RASIP1: variants seen among roughly 807,000 people sequenced by gnomAD.
The protein encoded by RASIP1 is ras-interacting protein 1.
A neutral mutation model predicts 85.3 loss-of-function variants in RASIP1; 20 were observed. The ratio of observed to expected loss-of-function variants is 0.23; its 90% CI spans 0.17 to 0.34. RASIP1 has a LOEUF of 0.34. Among genes scored for constraint, RASIP1 ranks in the 10% least tolerant of loss-of-function variants. RASIP1 has a pLI of 1.00. For missense variants in RASIP1, 1,170 were observed against 1,390.9 expected (o/e 0.84, Z 2.53); for synonymous variants, 617 against 647.1 (o/e 0.95, Z 0.71).
chr19:48,722,756 G>A (rs1174170161), intron 10 of RASIP1, among the ~76,000 whole-genome samples: 2 of 152,078 alleles, frequency 1.3e-5, no homozygotes, highest in African/African-American at 4.8e-5. Context: ...GCAGGTCACC[G>A]TCCCCTAGTC....
rs1344882468 is a variant in RASIP1, at chr19:48,734,774, A to G, written c.1179+422T>C. Among the ~76,000 whole-genome samples, 23 of 152,230 alleles carry G rather than the reference A, an allele frequency of 1.5e-4. No homozygotes were observed. The East Asian group carries it at 4.4e-3, about 29-fold the overall frequency. On this transcript the variant is annotated intron_variant, in intron 4 of 11. Transcript: ENST00000222145. ...AGTGCTGGGATAACAGGCGTGAGCC[A>G]CTGCGCCAGGCCTAATTTTTGGTAG...
At chr19:48,737,507 C>A (rs1599749165) in intron 3 of RASIP1, 2 of 985,318 alleles carry the variant, frequency 2.0e-6, no homozygotes, top group Non-Finnish European at 2.4e-6. Context: ...TCAGCCCCTT[C>A]CTTTCCCATG....
In RASIP1 at chr19:48,735,514, G is replaced by A; in HGVS notation, c.861C>T (p.Arg287=). ...GAPSWRPQKN[R]SRAASGGAAL... ...CTGCCCCACCCGACGCCGCCCGGGA[G>A]CGGTTCTTCTGTGGCCGCCACGAAG... is the stretch of plus-strand genomic sequence containing the variant. Residue 287 remains arginine, a synonymous_variant, in exon 4 of 12, where the codon CGC becomes CGT. Transcript: ENST00000222145. The A allele has an allele frequency of 6.5e-7, 1 of 1,548,620 alleles. No homozygotes were observed. The highest frequency in any genetic ancestry group is 8.7e-7 in the Non-Finnish European group (1 of 1,145,722).
chr19:48,735,943 G>A (rs1231281), intron 3 of RASIP1, among the ~76,000 whole-genome samples: 56,914 of 151,104 alleles, frequency 0.38, 11,851 homozygotes, highest in Middle Eastern at 0.58. Flanking sequence ...TTACAGGCGC[G>A]CACCACAACG....
At chr19:48,721,195 A>G (rs2033230795) in intron 11 of RASIP1, among the ~76,000 whole-genome samples, 198 bp from the exon 12 acceptor site, 1 of 152,158 alleles carries the variant, frequency 6.6e-6, no homozygotes, top group Admixed American at 6.6e-5. Flanking sequence ...ATGGAAGGCC[A>G]CCGTTGCCTG....
At chr19:48,721,091 A>G in intron 11 of RASIP1, 94 bp from the exon 12 acceptor site, 2 of 1,130,150 alleles carry the variant, frequency 1.8e-6, no homozygotes, top group Non-Finnish European at 2.4e-6. Context: ...CCAAAGGAAG[A>G]AAAAAACTAC....
rs1357285820 is a variant in RASIP1 at position 48,721,831 on chromosome 19, T to C, written c.2692+23A>G. On this transcript the variant is annotated intron_variant, in intron 11 of 11. Coordinates refer to ENST00000222145, the MANE Select transcript of RASIP1 (RefSeq NM_017805.3). ...AGAAGAAGAAAGCTGACAGCCCCAATGCTGTATCCCATTGCTCCTCACCTG... is the reference window on the plus strand; with the variant it reads ...AGAAGAAGAAAGCTGACAGCCCCAACGCTGTATCCCATTGCTCCTCACCTG... 6 of 1,587,514 alleles carry C rather than the reference T, an allele frequency of 3.8e-6. No homozygotes were observed. The African/African-American group carries it at 8.2e-5, about 22-fold the overall frequency.
Position 48,738,887 on chromosome 19 carries a change from G to T in RASIP1, c.823+73C>A. On this transcript the variant is annotated intron_variant, in intron 3 of 11. Coordinates refer to ENST00000222145, the MANE Select transcript of RASIP1 (RefSeq NM_017805.3). This position sits in a 1 kb window ranked among gnomAD's most constrained non-coding sequence, Gnocchi z 4.0. ...CCAGCCCGCGAGTCCCACAAGCCCC[G>T]CCCAGGCCCCGCCCCACGGACCCCG... is the stretch of plus-strand genomic sequence containing the variant. 3 of 308,446 alleles carry T rather than the reference G, an allele frequency of 9.7e-6. No individual in the cohort carries two copies. Among genetic ancestry groups the T allele is most frequent in the East Asian group, 1.9e-4 (1 of 5,252 alleles). 19.1% of individuals were successfully genotyped at this position (308,446 alleles called of 1,614,324 possible). A position where few individuals can be genotyped will look rare whatever the true frequency, so the allele number is the denominator to read the frequency against.
At chr19:48,727,564 T>G (rs892492496) in intron 5 of RASIP1, 134 bp from the exon 6 acceptor site, 185 of 929,288 alleles carry the variant, frequency 2.0e-4, no homozygotes, top group Non-Finnish European at 2.4e-4. Context: ...GGTCTTACTA[T>G]GTTGCCACCG....
rs759072934 is a variant in RASIP1 at position 48,735,516 on chromosome 19, G to A, written c.859C>T (p.Arg287Cys). 4 of 1,546,488 alleles carry A rather than the reference G, an allele frequency of 2.6e-6. No homozygotes were observed. The East Asian group carries it at 7.3e-5, about 28-fold the overall frequency. The change falls in exon 4 of 12, where the codon CGC (arginine) becomes TGC (cysteine). Residue 287 changes from arginine (R) to cysteine (C), a missense_variant. This residue lies in a region of RASIP1 where 301 missense variants were observed against 294.8 expected (regional missense o/e 1.02). Coordinates refer to ENST00000222145, the MANE Select transcript of RASIP1 (RefSeq NM_017805.3). ...GAPSWRPQKNRSRAASGGAAL... is the reference protein window; with the variant it reads ...GAPSWRPQKNCSRAASGGAAL... The stretch of plus-strand genomic sequence containing the variant: ...GCCCCACCCGACGCCGCCCGGGAGC[G>A]GTTCTTCTGTGGCCGCCACGAAGGG...
intron 11 of RASIP1, 59 bp from the exon 12 acceptor site, chr19:48,721,056 G>C: frequency 7.8e-6 from 11 of 1,401,902 alleles, no homozygotes; most frequent in Non-Finnish European, 9.6e-6. Context: ...TAGTTGCATC[G>C]GGAAGAGCCG....
chr19:48,737,309 G>T, intron 3 of RASIP1: 1 of 255,582 alleles, frequency 3.9e-6, no homozygotes, highest in Non-Finnish European at 6.1e-6. Flanking sequence ...CAGTTGAATT[G>T]CTACAACATT....
chr19:48,727,684 T>C (rs993017567), intron 5 of RASIP1, among the ~76,000 whole-genome samples: 1 of 143,532 alleles, frequency 7.0e-6, no homozygotes, highest in Non-Finnish European at 1.5e-5. Context: ...TACGGATTCT[T>C]TTTTTTTTTT....
At chr19:48,730,077 C>G (rs1450700479) in intron 4 of RASIP1, among the ~76,000 whole-genome samples, 2 of 152,048 alleles carry the variant, frequency 1.3e-5, no homozygotes, top group Non-Finnish European at 2.9e-5. Context: ...TCTAAGCACC[C>G]GCAACGCCAC....
chr19:48,723,826 G>A (rs940431914), intron 10 of RASIP1, among the ~76,000 whole-genome samples: 2 of 141,132 alleles, frequency 1.4e-5, no homozygotes, highest in Non-Finnish European at 3.1e-5. Context: ...TTTTTTTCTG[G>A]AGACAGGGTC....
chr19:48,734,604 C>T (rs1323892889), intron 4 of RASIP1, among the ~76,000 whole-genome samples: 1 of 151,938 alleles, frequency 6.6e-6, no homozygotes, highest in African/African-American at 2.4e-5. Flanking sequence ...TCCCCTGCCT[C>T]AGCCTCCTGA....
chr19:48,734,163 C>A (rs948056526), intron 4 of RASIP1, among the ~76,000 whole-genome samples: 1 of 151,594 alleles, frequency 6.6e-6, no homozygotes, highest in Non-Finnish European at 1.5e-5. Context: ...GGCATGGTGG[C>A]GGGCGCCTGT....
intron 4 of RASIP1, among the ~76,000 whole-genome samples, chr19:48,731,878 C>T (rs2033464395): frequency 6.6e-6 from 1 of 152,136 alleles, no homozygotes; most frequent in Non-Finnish European, 1.5e-5. Flanking sequence ...ATAAAAGCCC[C>T]CTTTCTACAA....
rs1226399260 is a variant in RASIP1 at position 48,735,530 on chromosome 19, C to T, written c.845G>A (p.Arg282Gln). 1.9e-6 allele frequency: 3 copies of T among 1,541,326 alleles called. No homozygotes were observed. Among genetic ancestry groups the T allele is most frequent in the Middle Eastern group, 1.8e-4 (1 of 5,612 alleles). ...DSEGTGAPSW[R>Q]PQKNRSRAAS... is the part of the protein sequence containing the mutation. ...CGCCCGGGAGCGGTTCTTCTGTGGCCGCCACGAAGGGGCGCCGGTGCCTGC... is the reference window on the plus strand; with the variant it reads ...CGCCCGGGAGCGGTTCTTCTGTGGCTGCCACGAAGGGGCGCCGGTGCCTGC... The change falls in exon 4 of 12, where the codon CGG becomes CAG. Residue 282 changes from arginine to glutamine, a missense_variant. By Grantham distance (43) the Arg-to-Gln change is conservative. This residue lies in a region of RASIP1 where 301 missense variants were observed against 294.8 expected (regional missense o/e 1.02). Coordinates refer to ENST00000222145, the MANE Select transcript of RASIP1 (RefSeq NM_017805.3).
Sources: gnomAD v4.1 joint callset for allele counts (sites outside exome capture counted in the v4.1 genomes callset) on GRCh38, gnomAD v4.1.1 for gene constraint, gnomAD v4.1.1 regional missense constraint, Gnocchi (gnomAD v3.1) non-coding constraint, MANE v1.5 for transcripts, NCBI Gene and HGNC (gene_info 2026-07-23, HGNC 2026-07-21) for gene names.